AQP8: variants seen among roughly 807,000 people sequenced by gnomAD.
AQP8 encodes aquaporin 8.
Under a neutral mutation model 26.1 loss-of-function variants are expected in AQP8, and 14 were observed. The ratio of observed to expected loss-of-function variants is 0.54; its 90% CI spans 0.35 to 0.84. The LOEUF (loss-of-function observed/expected upper bound fraction) is 0.84, where lower values mean the gene tolerates loss of function less well. Ranked by LOEUF, AQP8 falls within the 40% of genes least tolerant of loss-of-function variation. The probability of loss-of-function intolerance (pLI) is 0.01; values close to 1 mark genes in which losing one functional copy is unlikely to be tolerated. For missense variants in AQP8, 301 were observed against 340.5 expected, an observed-to-expected ratio of 0.88 and a Z score of 0.91; for synonymous variants, 131 against 150.7, an observed-to-expected ratio of 0.87 and a Z score of 0.96.
chr16:25,224,515 A>T lies in AQP8; in HGVS notation c.541A>T (p.Thr181Ser). 1.2e-6 allele frequency: 2 copies of T among 1,613,966 alleles called. No individual in the cohort carries two copies. Among genetic ancestry groups the T allele is most frequent in the Non-Finnish European group, 1.7e-6 (2 of 1,180,006 alleles). Reference sequence around the variant, plus strand: ...ATGCATGGGTGCCATCAATGAGAAGACAAAGGGCCCTCTGGCCCCGTTCTC... The same window carrying T: ...ATGCATGGGTGCCATCAATGAGAAGTCAAAGGGCCCTCTGGCCCCGTTCTC... Reference protein sequence around the residue: ...AVCMGAINEKTKGPLAPFSIG... With the variant: ...AVCMGAINEKSKGPLAPFSIG... The change falls in exon 4 of 6, where the codon ACA (threonine) becomes TCA (serine). Residue 181 changes from threonine (T) to serine (S), a missense_variant. Thr to Ser is a moderately conservative substitution (Grantham distance 58, BLOSUM62 1). Coordinates refer to ENST00000219660, the MANE Select transcript of AQP8 (RefSeq NM_001169.3).
chr16:25,225,718 C>A (rs2141346512), intron 4 of AQP8, among the ~76,000 whole-genome samples: 1 of 152,188 alleles, frequency 6.6e-6, no homozygotes, highest in Non-Finnish European at 1.5e-5. Context: ...TACTTACAAG[C>A]TTTTTGACTT....
intron 3 of AQP8, among the ~76,000 whole-genome samples, chr16:25,223,644 G>T (rs1243537387): frequency 6.6e-6 from 1 of 152,150 alleles, no homozygotes; most frequent in Non-Finnish European, 1.5e-5. Context: ...AGGAGGTCCA[G>T]GCTGCAGTGA....
At chr16:25,224,648 G>T in intron 4 of AQP8, 72 bp downstream of exon 4, 1 of 1,463,298 alleles carries the variant, frequency 6.8e-7, no homozygotes, top group Non-Finnish European at 9.3e-7. Flanking sequence ...TTTCAGGCCT[G>T]AGGGTCACAG....
chr16:25,224,635 G>A, intron 4 of AQP8, 59 bp downstream of exon 4: 2 of 1,531,104 alleles, frequency 1.3e-6, no homozygotes, highest in Non-Finnish European at 1.8e-6. Flanking sequence ...CAGCTCTGGG[G>A]GATTTCAGGC....
intron 3 of AQP8, among the ~76,000 whole-genome samples, chr16:25,223,419 G>T (rs1453359261): frequency 2.6e-5 from 4 of 152,246 alleles, no homozygotes; most frequent in Non-Finnish European, 5.9e-5. Context: ...GGTATTTTTA[G>T]CCACGCATGG....
chr16:25,223,557 C>T (rs2141343700), intron 3 of AQP8, among the ~76,000 whole-genome samples: 1 of 147,320 alleles, frequency 6.8e-6, no homozygotes, highest in Non-Finnish European at 1.5e-5. Context: ...TTAAAAAAAA[C>T]ATTAGGTGGG....
intron 2 of AQP8, among the ~76,000 whole-genome samples, 184 bp downstream of exon 2, chr16:25,217,629 CT>C (rs1173672736): frequency 4.6e-5 from 7 of 152,242 alleles, no homozygotes; most frequent in Non-Finnish European, 1.0e-4. Context: ...GAGCTTGTGA[CT>C]TTGAGCAAGT....
intron 3 of AQP8, among the ~76,000 whole-genome samples, chr16:25,223,635 G>A (rs1427122054): frequency 6.6e-6 from 1 of 152,170 alleles, no homozygotes; most frequent in Admixed American, 6.5e-5. Flanking sequence ...CTGGAGCCCA[G>A]GAGGTCCAGG....
chr16:25,228,300 C>T (rs1369467525), intron 5 of AQP8, 144 bp from the exon 6 acceptor site: 1 of 652,252 alleles, frequency 1.5e-6, no homozygotes, highest in Non-Finnish European at 2.7e-6. Context: ...AGGAAACTGT[C>T]TCTCTCTCTG....
At chr16:25,228,043 A>G (rs1302776476) in intron 5 of AQP8, among the ~76,000 whole-genome samples, 1 of 138,240 alleles carries the variant, frequency 7.2e-6, no homozygotes, top group Admixed American at 7.5e-5. Context: ...AGGTGGGTGG[A>G]TCACTTGAAG....
chr16:25,226,730 C>G (rs932653887), intron 4 of AQP8, among the ~76,000 whole-genome samples: 4 of 152,134 alleles, frequency 2.6e-5, no homozygotes, highest in African/African-American at 9.7e-5. Context: ...CAGCTTGACT[C>G]CAAAAGGATT....
In AQP8 at chr16:25,227,205, A is replaced by G; in HGVS notation, c.737+3A>G. On this transcript the variant is annotated splice_donor_region_variant and intron_variant, in intron 5 of 5. Coordinates refer to ENST00000219660, the MANE Select transcript of AQP8 (RefSeq NM_001169.3). ...CTGCTTGTTGGACTGCTCATTAGGT[A>G]GGAGTGTGACACAGGGTCACCGGCC... 6.2e-7 allele frequency: 1 copy of G among 1,614,088 alleles called. No individual in the cohort carries two copies. The highest frequency in any genetic ancestry group is 1.6e-4 in the Middle Eastern group (1 of 6,062).
chr16:25,217,821 C>G (rs1200134611), intron 2 of AQP8, among the ~76,000 whole-genome samples: 1 of 152,140 alleles, frequency 6.6e-6, no homozygotes, highest in African/African-American at 2.4e-5. Flanking sequence ...AGACACCATG[C>G]CTGGCTGGCA....
At chr16:25,219,245 T>C (rs761650822) in intron 2 of AQP8, among the ~76,000 whole-genome samples, 7 of 151,414 alleles carry the variant, frequency 4.6e-5, no homozygotes, top group Non-Finnish European at 8.8e-5. Flanking sequence ...AGTGGCAGAG[T>C]TGAGCTTTGA....
At chr16:25,217,118 A>G (rs1962496205) in intron 1 of AQP8, 61 bp downstream of exon 1, 1 of 1,613,522 alleles carries the variant, frequency 6.2e-7, no homozygotes, top group African/African-American at 1.3e-5. Flanking sequence ...CTGTGAATTA[A>G]TTCAAGGTTG....
chr16:25,217,561 C>T (rs1252228281), intron 2 of AQP8, 116 bp downstream of exon 2: 10 of 1,418,638 alleles, frequency 7.0e-6, no homozygotes, highest in Non-Finnish European at 9.5e-6. Flanking sequence ...AAGGAGCGCT[C>T]TGGATAACTA....
At chr16:25,228,061 T>C (rs946383643) in intron 5 of AQP8, among the ~76,000 whole-genome samples, 41 of 146,068 alleles carry the variant, frequency 2.8e-4, no homozygotes, top group African/African-American at 1.0e-3. Context: ...AAGTCAGGAG[T>C]TGGAGACCAG....
chr16:25,221,178 A>G (rs973088213), intron 2 of AQP8, among the ~76,000 whole-genome samples: 4 of 151,850 alleles, frequency 2.6e-5, no homozygotes, highest in African/African-American at 9.7e-5. Flanking sequence ...GGAGGGAGTC[A>G]GGGAGGAGTT....
chr16:25,218,357 C>T (rs1319940182), intron 2 of AQP8, among the ~76,000 whole-genome samples: 1 of 152,148 alleles, frequency 6.6e-6, no homozygotes, highest in Non-Finnish European at 1.5e-5. Flanking sequence ...GGGAAAGGGA[C>T]AGGCTTCTCT....
Sources: gnomAD v4.1 joint callset for allele counts (sites outside exome capture counted in the v4.1 genomes callset) on GRCh38, gnomAD v4.1.1 for gene constraint, MANE v1.5 for transcripts, NCBI Gene and HGNC (gene_info 2026-07-23, HGNC 2026-07-21) for gene names.